FANCL: variants seen among roughly 807,000 people sequenced by gnomAD.
FANCL encodes the protein E3 ubiquitin-protein ligase FANCL.
In FANCL, 69 loss-of-function variants were observed where a neutral mutation model predicts 59.4. The observed-to-expected ratio is 1.16, with a 90% CI of 0.96 to 1.42. The LOEUF (loss-of-function observed/expected upper bound fraction) is 1.42. Among genes scored for constraint, FANCL ranks in the 40% most tolerant of loss-of-function variants. FANCL has a pLI of 0.00. For synonymous variants in FANCL, 180 were observed against 147.1 expected (o/e 1.22, Z -1.62); for missense variants, 519 against 447.2 (o/e 1.16, Z -1.45).
chr2:58,198,997 C>G (rs1302211413), intron 6 of FANCL, among the ~76,000 whole-genome samples: 1 of 149,646 alleles, frequency 6.7e-6, no homozygotes, highest in African/African-American at 2.5e-5. Context: ...CCACTGCACT[C>G]CAGCCTGGGC....
chr2:58,222,614 T>C (rs1692597765), intron 4 of FANCL, among the ~76,000 whole-genome samples: 1 of 152,074 alleles, frequency 6.6e-6, no homozygotes, highest in African/African-American at 2.4e-5. Flanking sequence ...TACAGTCCCG[T>C]TCCTTGCTAG....
At chr2:58,174,372 G>A (rs954501322) in intron 7 of FANCL, among the ~76,000 whole-genome samples, 9 of 151,890 alleles carry the variant, frequency 5.9e-5, no homozygotes, top group African/African-American at 2.2e-4. Context: ...TTCCAAAATC[G>A]ACCACATAGT....
intron 1 of FANCL, among the ~76,000 whole-genome samples, chr2:58,235,786 A>G (rs896154141): frequency 6.6e-6 from 1 of 152,126 alleles, no homozygotes; most frequent in Non-Finnish European, 1.5e-5. Context: ...ACATGAGCGT[A>G]CTAAATAGAG....
chr2:58,223,892 A>G (rs1179955005), intron 4 of FANCL, among the ~76,000 whole-genome samples: 3 of 151,950 alleles, frequency 2.0e-5, no homozygotes, highest in Non-Finnish European at 2.9e-5. Context: ...CACTCTCAAC[A>G]TATTTATTGG....
intron 5 of FANCL, among the ~76,000 whole-genome samples, chr2:58,217,197 T>G (rs1288977163): frequency 3.7e-4 from 5 of 13,568 alleles, no homozygotes; most frequent in South Asian, 4.2e-3. Flanking sequence ...TATATATATA[T>G]ATATATATAT....
Position 58,241,292 on chromosome 2 carries a change from G to A in FANCL, c.22C>T (p.Leu8=), listed in dbSNP as rs764378405. Residue 8 remains leucine (L), a synonymous_variant, in exon 1 of 14, where the codon CTG becomes TTG. Transcript: ENST00000233741. MAVTEAS[L]LRQCPLLLPQ... is the part of the protein sequence containing the mutation. Reference sequence around the variant, plus strand: ...AGAAGCAGGGGGCACTGGCGCAACAGGCTCGCTTCCGTCACCGCCATGGCT... The same window carrying A: ...AGAAGCAGGGGGCACTGGCGCAACAAGCTCGCTTCCGTCACCGCCATGGCT... 18 of 1,614,144 alleles carry A rather than the reference G, an allele frequency of 1.1e-5. No homozygotes were observed. The highest frequency in any genetic ancestry group is 1.4e-5 in the Non-Finnish European group (17 of 1,180,048).
intron 3 of FANCL, among the ~76,000 whole-genome samples, chr2:58,229,255 G>A (rs1287733986): frequency 6.6e-6 from 1 of 152,018 alleles, no homozygotes; most frequent in Admixed American, 6.5e-5. Context: ...ATTATATTAT[G>A]TCATTATTTT....
At chr2:58,213,950 G>A (rs2105221743) in intron 5 of FANCL, among the ~76,000 whole-genome samples, 2 of 152,260 alleles carry the variant, frequency 1.3e-5, no homozygotes, top group East Asian at 3.9e-4. Flanking sequence ...TATCGGAGCT[G>A]CCCTATGGGA....
intron 1 of FANCL, among the ~76,000 whole-genome samples, chr2:58,236,330 CT>C (rs1694019121): frequency 6.6e-6 from 1 of 151,784 alleles, no homozygotes; most frequent in African/African-American, 2.4e-5. Flanking sequence ...GAAGTAACAT[CT>C]TTACAGTATC....
chr2:58,159,566 C>T lies in FANCL; in HGVS notation c.*199G>A. The T allele has an allele frequency of 1.2e-6, 2 of 1,613,790 alleles. No homozygotes were observed. The highest frequency in any genetic ancestry group is 1.7e-6 in the Non-Finnish European group (2 of 1,179,792). ...ACGGGGATCACAGACTTAGAAAGTT[C>T]AACTGGACTTTGGCCTACAATTTCC... On this transcript the variant is annotated 3_prime_UTR_variant, in exon 14 of 14. Transcript: ENST00000233741.
rs1685843305 is a variant in FANCL, at chr2:58,165,627, T to C, written c.691+97A>G. ...TAGAAAATTTTAATAGTTGACTTCA[T>C]ATAAAGAAGTCTGAGTCCAACTGTC... On this transcript the variant is annotated intron_variant, in intron 8 of 13. Coordinates refer to ENST00000233741, the MANE Select transcript of FANCL (RefSeq NM_018062.4). The C allele has an allele frequency of 5.4e-6, 8 of 1,474,656 alleles. 1 individual carries two copies. In the South Asian group the frequency reaches 9.4e-5, roughly 17 times the overall value. The allele number at this position is 1,474,656 out of a possible 1,614,324, so 91.3% of individuals were successfully genotyped here. A position where few individuals can be genotyped will look rare whatever the true frequency, so the allele number is the denominator to read the frequency against.
At chr2:58,222,552 A>C (rs1012482066) in intron 4 of FANCL, among the ~76,000 whole-genome samples, 2 of 152,088 alleles carry the variant, frequency 1.3e-5, no homozygotes, top group Non-Finnish European at 2.9e-5. Context: ...TATACTCTGT[A>C]CTATTCTTCA....
intron 7 of FANCL, among the ~76,000 whole-genome samples, chr2:58,173,115 C>A (rs1372588788): frequency 1.3e-5 from 2 of 152,164 alleles, no homozygotes; most frequent in East Asian, 3.8e-4. Context: ...CGAACAAAGC[C>A]TCCAAGAAAT....
intron 7 of FANCL, among the ~76,000 whole-genome samples, chr2:58,173,261 C>T (rs1021890220): frequency 4.6e-5 from 7 of 152,166 alleles, no homozygotes; most frequent in Admixed American, 2.6e-4. Context: ...GGCAGGCCAA[C>T]ATTCAGATTA....
chr2:58,181,510 A>G (rs1687936424), intron 7 of FANCL, among the ~76,000 whole-genome samples: 1 of 152,016 alleles, frequency 6.6e-6, no homozygotes, highest in African/African-American at 2.4e-5. Flanking sequence ...TACTGTTTCC[A>G]AATTTTACAA....
chr2:58,187,352 G>A (rs1036030774), intron 7 of FANCL, among the ~76,000 whole-genome samples: 6 of 142,696 alleles, frequency 4.2e-5, no homozygotes, highest in Non-Finnish European at 1.5e-5. Context: ...ACTCGTAGGT[G>A]AGAACTGAAC....
intron 7 of FANCL, among the ~76,000 whole-genome samples, chr2:58,195,207 T>C (rs528408578): frequency 6.6e-5 from 10 of 152,284 alleles, no homozygotes; most frequent in Non-Finnish European, 1.2e-4. Flanking sequence ...CTCACATTTC[T>C]TCTTATTTTC....
In FANCL at chr2:58,162,076, C is replaced by G. The variant is rs56390816; in HGVS notation, c.904-438G>C. Among the ~76,000 whole-genome samples, 347 of 151,964 alleles carry G rather than the reference C, an allele frequency of 2.3e-3. 1 individual carries two copies. Among genetic ancestry groups the G allele is most frequent in the Non-Finnish European group, 4.0e-3 (269 of 67,812 alleles). ...TTGGGCATCAGTAATATTCCCATAT[C>G]ATACATTGTTATAATGTCCCTGATA... On this transcript the variant is annotated intron_variant, in intron 11 of 13. Coordinates refer to ENST00000233741, the MANE Select transcript of FANCL (RefSeq NM_018062.4).
intron 1 of FANCL, among the ~76,000 whole-genome samples, chr2:58,239,818 A>T (rs1277555892): frequency 6.6e-6 from 1 of 152,238 alleles, no homozygotes; most frequent in African/African-American, 2.4e-5. Context: ...GAGAAAATGT[A>T]AACTGGTGAA....
Sources: allele counts gnomAD v4.1 joint callset (sites outside exome capture counted in the v4.1 genomes callset), GRCh38; gene constraint gnomAD v4.1.1; transcripts MANE v1.5; gene names NCBI Gene and HGNC (gene_info 2026-07-23, HGNC 2026-07-21).